The following SCYL1 variants were observed in gnomAD, a reference collection of about 807,000 sequenced individuals.
SCYL1 encodes SCY1 like pseudokinase 1.
In SCYL1, 85 loss-of-function variants were observed where a neutral mutation model predicts 94.8. The ratio of observed to expected loss-of-function variants is 0.90; its 90% CI spans 0.75 to 1.07. The LOEUF (loss-of-function observed/expected upper bound fraction) is 1.07, where lower values mean the gene tolerates loss of function less well. Among genes scored for constraint, SCYL1 ranks in the 50% least tolerant of loss-of-function variants. The pLI, the probability that SCYL1 is intolerant of heterozygous loss-of-function variation, is 0.00. For missense variants in SCYL1, 968 were observed against 1,083.3 expected (o/e 0.89, Z 1.49); for synonymous variants, 459 against 435.5 (o/e 1.05, Z -0.67).
chr11:65,530,528 A>G, intron 6 of SCYL1, 101 bp from the exon 7 acceptor site: 3 of 1,367,496 alleles, frequency 2.2e-6, no homozygotes, highest in South Asian at 2.9e-5. Flanking sequence ...TCCAGAGCCC[A>G]TAAGGCCCAT....
At chr11:65,527,666 A>T (rs906422922) in intron 6 of SCYL1, among the ~76,000 whole-genome samples, 1 of 137,030 alleles carries the variant, frequency 7.3e-6, no homozygotes, top group Non-Finnish European at 1.5e-5. Flanking sequence ...CAGGAGACGG[A>T]GGTTGCAGTG....
At chr11:65,532,839 G>A (rs772345170) in intron 9 of SCYL1, 34 bp downstream of exon 9, 1 of 1,537,950 alleles carries the variant, frequency 6.5e-7, no homozygotes, top group Non-Finnish European at 9.0e-7. Context: ...GGCTACCCCT[G>A]GTTTTCCAAG....
Position 65,532,677 on chromosome 11 carries a change from C to T in SCYL1, c.1117-15C>T, listed in dbSNP as rs1180042467. The stretch of plus-strand genomic sequence containing the variant: ...AAGGGCTGACCATGTTGACGCATCC[C>T]AACCTGGGCCACAGATGGAGCAGTT... On this transcript the variant is annotated splice_polypyrimidine_tract_variant and intron_variant, in intron 8 of 17. Coordinates refer to ENST00000270176, the MANE Select transcript of SCYL1 (RefSeq NM_020680.4). 1 of 1,606,382 alleles carries T rather than the reference C, an allele frequency of 6.2e-7. No homozygotes were observed. Among genetic ancestry groups the T allele is most frequent in the Non-Finnish European group, 8.5e-7 (1 of 1,173,116 alleles).
At position 65,536,719 on chromosome 11, in the gene SCYL1, A is replaced by C. The variant is rs1855665588; in HGVS notation, c.1785A>C (p.Glu595Asp). The C allele has an allele frequency of 6.2e-7, 1 of 1,608,940 alleles. No homozygotes were observed. Among genetic ancestry groups the C allele is most frequent in the South Asian group, 1.1e-5 (1 of 90,956 alleles). The change falls in exon 13 of 18, where the codon GAA becomes GAC. Residue 595 changes from glutamate to aspartate, a missense_variant. This residue lies in a region of SCYL1 where 474 missense variants were observed against 463.6 expected (regional missense o/e 1.02). Coordinates refer to ENST00000270176, the MANE Select transcript of SCYL1 (RefSeq NM_020680.4). ...IRSHPTTAPT[E>D]TNIPQRPTPE... ...CGCACCCAACCACTGCCCCAACAGAAACCAACATTCCCCAAAGACCCACGC... is the reference window on the plus strand; with the variant it reads ...CGCACCCAACCACTGCCCCAACAGACACCAACATTCCCCAAAGACCCACGC...
At chr11:65,533,025 C>T (rs754088303) in intron 9 of SCYL1, 2 of 537,770 alleles carry the variant, frequency 3.7e-6, no homozygotes, top group Non-Finnish European at 6.8e-6. Flanking sequence ...AAGCCCCATG[C>T]TGGGAGGCAG....
chr11:65,538,568 C>G lies in SCYL1; in HGVS notation c.*2C>G. 1 of 1,609,384 alleles carries G rather than the reference C, an allele frequency of 6.2e-7. No individual in the cohort carries two copies. The highest frequency in any genetic ancestry group is 1.3e-5 in the African/African-American group (1 of 75,000). On this transcript the variant is annotated 3_prime_UTR_variant, in exon 18 of 18. Coordinates refer to ENST00000270176, the MANE Select transcript of SCYL1 (RefSeq NM_020680.4). ...CTGGGAGCCCGGAAGCTGGACTGAA[C>G]CGTGGCGGTGGCCCTTCCCGGCTGC...
chr11:65,531,802 A>G (rs1855380650), intron 8 of SCYL1, 119 bp downstream of exon 8: 3 of 711,442 alleles, frequency 4.2e-6, no homozygotes, highest in Non-Finnish European at 7.4e-6. Context: ...CATACACACA[A>G]CTGAGGGACC....
rs775945485 is a variant in SCYL1, at chr11:65,537,949, C to G, written c.2032-18C>G. ...CTCCTTGGGCCCAGGGCTACTTCCC[C>G]CTCCCGCTCTTCTACAGGTCAGCAA... On this transcript the variant is annotated intron_variant, in intron 15 of 17. Coordinates refer to ENST00000270176, the MANE Select transcript of SCYL1 (RefSeq NM_020680.4). 6.2e-7 allele frequency: 1 copy of G among 1,600,176 alleles called. No individual in the cohort carries two copies. The highest frequency in any genetic ancestry group is 8.5e-7 in the Non-Finnish European group (1 of 1,172,516).
At chr11:65,530,286 G>A (rs368066857) in intron 6 of SCYL1, among the ~76,000 whole-genome samples, 1 of 152,208 alleles carries the variant, frequency 6.6e-6, no homozygotes, top group Non-Finnish European at 1.5e-5. Flanking sequence ...GATGCCCTTA[G>A]TGATGCCTCT....
At position 65,537,803 on chromosome 11, in the gene SCYL1, C is replaced by G. The variant is rs758597695; in HGVS notation, c.1960-6C>G. ...TGGGAGTCAGTGGTCCCTTCCCACA[C>G]TGCAGCAGGAGGCCGAGTCTGTGCT... On this transcript the variant is annotated splice_region_variant and splice_polypyrimidine_tract_variant and intron_variant, in intron 14 of 17. Transcript: ENST00000270176. The G allele has an allele frequency of 6.4e-7, 1 of 1,555,314 alleles. No individual in the cohort carries two copies. Among genetic ancestry groups the G allele is most frequent in the East Asian group, 2.4e-5 (1 of 41,930 alleles).
In SCYL1 at chr11:65,538,038, C is replaced by T. The variant is rs1254927275; in HGVS notation, c.2103C>T (p.Ser701=). Residue 701 remains serine (S), a synonymous_variant, in exon 16 of 18, where the codon TCC becomes TCT. Transcript: ENST00000270176. ...SDWSSWEAEG[S]WEQGWQEPSS... ...GGAGCAGCTGGGAAGCTGAGGGCTC[C>T]TGGGAACAGGGCTGGCAGGAGCCAA... 6 of 1,612,258 alleles carry T rather than the reference C, an allele frequency of 3.7e-6. No individual in the cohort carries two copies. The highest frequency in any genetic ancestry group is 1.3e-5 in the African/African-American group (1 of 75,036).
intron 6 of SCYL1, among the ~76,000 whole-genome samples, chr11:65,529,827 C>T (rs958404563): frequency 2.6e-5 from 4 of 152,286 alleles, no homozygotes; most frequent in African/African-American, 4.8e-5. Context: ...GAGTCAGACC[C>T]TCCTCTGACC....
Position 65,536,857 on chromosome 11 carries a change from G to T in SCYL1, c.1816+107G>T, listed in dbSNP as rs917039193. The T allele has an allele frequency of 3.6e-6, 5 of 1,385,122 alleles. No homozygotes were observed. The African/African-American group carries it at 5.7e-5, about 16-fold the overall frequency. The allele number at this position is 1,385,122 out of a possible 1,614,324, so 85.8% of individuals were successfully genotyped here. A position where few individuals can be genotyped will look rare whatever the true frequency, so the allele number is the denominator to read the frequency against. On this transcript the variant is annotated intron_variant, in intron 13 of 17. Transcript: ENST00000270176. ...CCCGGGGATGGTGAAGGGGATATAG[G>T]AGCTGGGTAGGCTCCAGTCACCCTG...
chr11:65,531,691 C>T lies in SCYL1; in HGVS notation c.1116+8C>T, dbSNP rs1461887044. On this transcript the variant is annotated splice_region_variant and intron_variant, in intron 8 of 17. Transcript: ENST00000270176. Reference sequence around the variant, plus strand: ...ATCCGCCTCCTGCAGCAGGTGAGGCCTCTGTACCAGACTCTGTGGTGGTCC... The same window carrying T: ...ATCCGCCTCCTGCAGCAGGTGAGGCTTCTGTACCAGACTCTGTGGTGGTCC... 6.2e-7 allele frequency: 1 copy of T among 1,602,618 alleles called. No individual in the cohort carries two copies. The highest frequency in any genetic ancestry group is 1.7e-5 in the Admixed American group (1 of 59,998).
chr11:65,534,915 A>C (rs1855562991), intron 9 of SCYL1, among the ~76,000 whole-genome samples: 1 of 152,124 alleles, frequency 6.6e-6, no homozygotes, highest in African/African-American at 2.4e-5. Flanking sequence ...GGAGGGCATC[A>C]GTGACCTCAC....
chr11:65,537,284 G>GAGCCAGCAGCAGGCCCC (rs1385645192), intron 14 of SCYL1, among the ~76,000 whole-genome samples, 156 bp downstream of exon 14: 1 of 152,234 alleles, frequency 6.6e-6, no homozygotes, highest in African/African-American at 2.4e-5. Context: ...TTGTAGGCCA[G>GAGCCAGCAGCAGGCCCC]AGCCAGCAGC....
chr11:65,527,465 G>A (rs1362455484), intron 6 of SCYL1, among the ~76,000 whole-genome samples: 1 of 152,082 alleles, frequency 6.6e-6, no homozygotes, highest in South Asian at 2.1e-4. Context: ...GGAGCCAGGC[G>A]CGGTGGCTCA....
chr11:65,525,257 G>A lies in SCYL1; in HGVS notation c.104G>A (p.Arg35His). Residue 35 changes from arginine (R) to histidine (H), a missense_variant, in exon 1 of 18, where the codon CGC (arginine) becomes CAC (histidine). By Grantham distance (29) the Arg-to-His change is conservative. Around this residue, in one of 2 missense-constraint regions of SCYL1, gnomAD observed 494 missense variants for 619.7 expected, o/e 0.80. Transcript: ENST00000270176. ...GGGCCCTGGGCCCTGCACCGCGGCCGCAAGAAGGTGAGTGCGGCCGAGCTC... is the reference window on the plus strand; with the variant it reads ...GGGCCCTGGGCCCTGCACCGCGGCCACAAGAAGGTGAGTGCGGCCGAGCTC... Reference protein sequence around the residue: ...LPGPWALHRGRKKATGSPVSI... With the variant: ...LPGPWALHRGHKKATGSPVSI... 7.0e-7 allele frequency: 1 copy of A among 1,437,760 alleles called. No homozygotes were observed. The highest frequency in any genetic ancestry group is 9.2e-7 in the Non-Finnish European group (1 of 1,092,770). 89.1% of individuals were successfully genotyped at this position (1,437,760 alleles called of 1,614,324 possible).
Position 65,536,710 on chromosome 11 carries a change from C to G in SCYL1, c.1776C>G (p.Ala592=). The G allele has an allele frequency of 6.2e-7, 1 of 1,610,182 alleles. No individual in the cohort carries two copies. The highest frequency in any genetic ancestry group is 8.5e-7 in the Non-Finnish European group (1 of 1,176,806). ...SKLIRSHPTT[A]PTETNIPQRP... ...TGATCCGTTCGCACCCAACCACTGCCCCAACAGAAACCAACATTCCCCAAA... is the reference window on the plus strand; with the variant it reads ...TGATCCGTTCGCACCCAACCACTGCGCCAACAGAAACCAACATTCCCCAAA... The change falls in exon 13 of 18, where the codon GCC becomes GCG. Residue 592 remains alanine (A), a synonymous_variant. Coordinates refer to ENST00000270176, the MANE Select transcript of SCYL1 (RefSeq NM_020680.4).
Sources: allele counts gnomAD v4.1 joint callset (sites outside exome capture counted in the v4.1 genomes callset), GRCh38; gene constraint gnomAD v4.1.1; regional missense constraint gnomAD v4.1.1; transcripts MANE v1.5; gene names NCBI Gene and HGNC (gene_info 2026-07-23, HGNC 2026-07-21).